The following CAMSAP2 variants were observed in gnomAD, a reference collection of about 807,000 sequenced individuals.
The protein encoded by CAMSAP2 is calmodulin-regulated spectrin-associated protein 2.
A neutral mutation model predicts 146.1 loss-of-function variants in CAMSAP2; 26 were observed. The ratio of observed to expected loss-of-function variants is 0.18; its 90% confidence interval spans 0.13 to 0.25. The LOEUF (loss-of-function observed/expected upper bound fraction) is 0.25, where lower values mean the gene tolerates loss of function less well. CAMSAP2 is among the 10% of genes least tolerant of loss of function. The pLI is 1.00. For synonymous variants in CAMSAP2, 499 were observed against 596.6 expected (o/e 0.84, Z 2.38); for missense variants, 1,381 against 1,759.3 (o/e 0.78, Z 3.85).
chr1:200,819,846 T>C (rs1316735085), intron 4 of CAMSAP2, among the ~76,000 whole-genome samples: 1 of 152,164 alleles, frequency 6.6e-6, no homozygotes, highest in Non-Finnish European at 1.5e-5. Flanking sequence ...GAGTACCTTC[T>C]AGAGGATGTG....
At chr1:200,778,923 C>T (rs980934691) in intron 2 of CAMSAP2, among the ~76,000 whole-genome samples, 3 of 152,094 alleles carry the variant, frequency 2.0e-5, no homozygotes, top group Non-Finnish European at 4.4e-5. Flanking sequence ...CGGCTCTTGG[C>T]GTGGGGCCTG....
intron 2 of CAMSAP2, among the ~76,000 whole-genome samples, chr1:200,797,769 T>C (rs1571765510): frequency 9.4e-6 from 1 of 106,014 alleles, no homozygotes; most frequent in African/African-American, 3.8e-5. Context: ...TGAATGGTAA[T>C]GCCTAGGTTT....
intron 2 of CAMSAP2, among the ~76,000 whole-genome samples, chr1:200,806,548 A>G (rs1390499367): frequency 6.6e-6 from 1 of 152,136 alleles, no homozygotes; most frequent in Non-Finnish European, 1.5e-5. Context: ...CCTTGGACCC[A>G]GTGGCCACAA....
chr1:200,758,004 A>G (rs759064902), intron 1 of CAMSAP2, among the ~76,000 whole-genome samples: 2 of 151,880 alleles, frequency 1.3e-5, no homozygotes, highest in African/African-American at 4.8e-5. Context: ...GTGTAGAGCT[A>G]TAATTCTGTG....
At chr1:200,833,619 T>C (rs976510411) in intron 6 of CAMSAP2, among the ~76,000 whole-genome samples, 1 of 152,108 alleles carries the variant, frequency 6.6e-6, no homozygotes, top group Non-Finnish European at 1.5e-5. Context: ...GTTTGCAAAA[T>C]AGAGAATAAG....
At position 200,857,659 on chromosome 1, in the gene CAMSAP2, G is replaced by T; in HGVS notation, c.4132-95G>T. On this transcript the variant is annotated intron_variant, in intron 16 of 16. Transcript: ENST00000358823. This position sits in a 1 kb window ranked among gnomAD's most constrained non-coding sequence, Gnocchi z 4.7. Reference sequence around the variant, plus strand: ...TCATTGAAATAATGTTATAAAATGTGACTAAGAAACGTAACATAATTATAT... The same window carrying T: ...TCATTGAAATAATGTTATAAAATGTTACTAAGAAACGTAACATAATTATAT... 2 of 1,113,364 alleles carry T rather than the reference G, an allele frequency of 1.8e-6. No homozygotes were observed. The highest frequency in any genetic ancestry group is 1.7e-5 in the South Asian group (1 of 59,100). 69.0% of individuals were successfully genotyped at this position (1,113,364 alleles called of 1,614,324 possible). A position where few individuals can be genotyped will look rare whatever the true frequency, so the allele number is the denominator to read the frequency against.
In CAMSAP2 at chr1:200,849,975, T is replaced by C. The variant is rs775040213; in HGVS notation, c.3206T>C (p.Val1069Ala). 1 of 1,614,096 alleles carries C rather than the reference T, an allele frequency of 6.2e-7. No individual in the cohort carries two copies. The highest frequency in any genetic ancestry group is 1.1e-5 in the South Asian group (1 of 91,084). ...EKEIKPFESTVSEVLSLPVTE... is the reference protein window; with the variant it reads ...EKEIKPFESTASEVLSLPVTE... Reference sequence around the variant, plus strand: ...GAAATCAAACCTTTTGAGTCAACAGTCTCTGAAGTCCTATCACTGCCTGTC... The same window carrying C: ...GAAATCAAACCTTTTGAGTCAACAGCCTCTGAAGTCCTATCACTGCCTGTC... The change falls in exon 11 of 17, where the codon GTC becomes GCC. Residue 1069 changes from valine (V) to alanine (A), a missense_variant. Around this residue, in one of 4 missense-constraint regions of CAMSAP2, gnomAD observed 560 missense variants for 715.9 expected, o/e 0.78. Coordinates refer to ENST00000358823, the MANE Select transcript of CAMSAP2 (RefSeq NM_203459.4). The surrounding 1 kb of genome is among the most constrained non-coding windows in gnomAD (Gnocchi z 6.3).
chr1:200,753,857 T>G (rs1664576918), intron 1 of CAMSAP2, among the ~76,000 whole-genome samples: 1 of 152,182 alleles, frequency 6.6e-6, no homozygotes, highest in Non-Finnish European at 1.5e-5. Flanking sequence ...ATGTGCCGTG[T>G]TGCCTCTCTG....
At chr1:200,799,384 C>A (rs1665974736) in intron 2 of CAMSAP2, among the ~76,000 whole-genome samples, 1 of 152,014 alleles carries the variant, frequency 6.6e-6, no homozygotes, top group Admixed American at 6.6e-5. Context: ...TCGACTTCTT[C>A]CTGGTTTAGT....
intron 2 of CAMSAP2, among the ~76,000 whole-genome samples, chr1:200,775,256 T>C (rs1665239421): frequency 6.6e-6 from 1 of 152,148 alleles, no homozygotes; most frequent in African/African-American, 2.4e-5. Flanking sequence ...AGGAGTTTGG[T>C]ATGTTTCAGG....
chr1:200,772,533 C>G (rs1665146688), intron 2 of CAMSAP2, among the ~76,000 whole-genome samples: 1 of 152,148 alleles, frequency 6.6e-6, no homozygotes, highest in South Asian at 2.1e-4. Context: ...TGCTTGAACC[C>G]AGGAGGCAGA....
chr1:200,817,243 CACACATATGTGTGTGTATAT>C (rs1558192323), intron 4 of CAMSAP2, among the ~76,000 whole-genome samples: 2 of 11,444 alleles, frequency 1.7e-4, no homozygotes, highest in African/African-American at 7.5e-4. Context: ...TACACACATA[CACACATATGTGTGTGTATAT>C]ACACACATAT....
At chr1:200,820,568 T>C (rs1278651843) in intron 4 of CAMSAP2, among the ~76,000 whole-genome samples, 1 of 152,190 alleles carries the variant, frequency 6.6e-6, no homozygotes, top group Non-Finnish European at 1.5e-5. Flanking sequence ...AGTAGGTAAA[T>C]GCTTATACCT....
At chr1:200,844,320 C>T (rs181117529) in intron 7 of CAMSAP2, among the ~76,000 whole-genome samples, 56 of 151,964 alleles carry the variant, frequency 3.7e-4, no homozygotes, top group African/African-American at 1.2e-3. Flanking sequence ...GAGGTTGAGG[C>T]GGGCAGATCA....
intron 1 of CAMSAP2, among the ~76,000 whole-genome samples, chr1:200,745,763 T>C (rs753990345): frequency 2.6e-5 from 4 of 152,208 alleles, no homozygotes; most frequent in Non-Finnish European, 4.4e-5. Context: ...TGAGCCTTTG[T>C]GCCTGGTTGA....
At chr1:200,750,798 T>C (rs757969484) in intron 1 of CAMSAP2, among the ~76,000 whole-genome samples, 45 of 151,872 alleles carry the variant, frequency 3.0e-4, no homozygotes, top group Admixed American at 4.6e-4. Flanking sequence ...CTAATTTTTT[T>C]TGTATTTTTG....
intron 6 of CAMSAP2, among the ~76,000 whole-genome samples, chr1:200,836,120 T>C (rs558236311): frequency 3.9e-5 from 6 of 152,264 alleles, no homozygotes; most frequent in African/African-American, 1.4e-4. Flanking sequence ...AACTTTTAGC[T>C]TAAGCTCAAG....
At chr1:200,747,860 G>A (rs908407164) in intron 1 of CAMSAP2, among the ~76,000 whole-genome samples, 13 of 151,642 alleles carry the variant, frequency 8.6e-5, no homozygotes, top group Non-Finnish European at 1.9e-4. Flanking sequence ...AGTGGCGGGC[G>A]CCTGTAGTCC....
intron 2 of CAMSAP2, among the ~76,000 whole-genome samples, chr1:200,788,583 A>G (rs1665659253): frequency 6.6e-6 from 1 of 151,956 alleles, no homozygotes; most frequent in African/African-American, 2.4e-5. Context: ...TAGACGTTCT[A>G]ATAGGTTTTA....
Sources: gnomAD v4.1 joint callset for allele counts (sites outside exome capture counted in the v4.1 genomes callset) on GRCh38, gnomAD v4.1.1 for gene constraint, gnomAD v4.1.1 regional missense constraint, Gnocchi (gnomAD v3.1) non-coding constraint, MANE v1.5 for transcripts, NCBI Gene and HGNC (gene_info 2026-07-23, HGNC 2026-07-21) for gene names.